ZNF608: variants seen among roughly 807,000 people sequenced by gnomAD.
The protein encoded by ZNF608 is zinc finger protein 608.
In ZNF608, 12 loss-of-function variants were observed where a neutral mutation model predicts 109.0. The observed-to-expected ratio is 0.11, with a 90% confidence interval of 0.07 to 0.18. ZNF608 has a LOEUF of 0.18. ZNF608 is among the 10% of genes least tolerant of loss of function. The pLI, the probability that ZNF608 is intolerant of heterozygous loss-of-function variation, is 1.00. For missense variants in ZNF608, 1,707 were observed against 1,879.3 expected, an observed-to-expected ratio of 0.91 and a Z score of 1.70; for synonymous variants, 732 against 717.4, an observed-to-expected ratio of 1.02 and a Z score of -0.33.
At chr5:124,678,900 T>C (rs891449480) in intron 3 of ZNF608, among the ~76,000 whole-genome samples, 13 of 152,210 alleles carry the variant, frequency 8.5e-5, no homozygotes, top group Non-Finnish European at 1.6e-4. Flanking sequence ...TCTCCAGGTC[T>C]GTCTGCAAAA....
At chr5:124,748,498 T>A (rs1255259551), upstream of ZNF608, 1 of 980,778 alleles carries the variant, frequency 1.0e-6, no homozygotes, top group Non-Finnish European at 1.2e-6. Flanking sequence ...CCCCGCTAAG[T>A]GCTATATAGA....
In ZNF608 at chr5:124,744,247, C is replaced by A; in HGVS notation, c.743G>T (p.Ser248Ile). Residue 248 changes from serine (S) to isoleucine (I), a missense_variant, in exon 2 of 10, where the codon AGC becomes ATC. Ser to Ile is a moderately radical substitution (Grantham distance 142). Transcript: ENST00000513986. This position sits in a 1 kb window ranked among gnomAD's most constrained non-coding sequence, Gnocchi z 4.5. ...FGAKSNGGGA[S>I]PFHCGGTGSG... ...CCCAGTGCCCCCGCAGTGGAAGGGG[C>A]TCGCGCCACCTCCATTGCTCTTGGC... 6.2e-7 allele frequency: 1 copy of A among 1,613,452 alleles called. No homozygotes were observed.
intron 3 of ZNF608, among the ~76,000 whole-genome samples, chr5:124,671,639 CTCT>C (rs1751726586): frequency 7.5e-6 from 1 of 133,832 alleles, no homozygotes; most frequent in Admixed American, 7.3e-5. Context: ...CCTGGGGCTT[CTCT>C]TTTTTTTTTT....
At chr5:124,693,751 A>C (rs529864913) in intron 3 of ZNF608, among the ~76,000 whole-genome samples, 1 of 152,284 alleles carries the variant, frequency 6.6e-6, no homozygotes, top group East Asian at 1.9e-4. Flanking sequence ...ATCACTCATC[A>C]TATCCAAATT....
chr5:124,684,355 A>T (rs982419344), intron 3 of ZNF608, among the ~76,000 whole-genome samples: 2 of 152,180 alleles, frequency 1.3e-5, no homozygotes, highest in African/African-American at 4.8e-5. Flanking sequence ...TGTACACATG[A>T]GGAAAGTGAA....
chr5:124,705,541 T>A (rs2149856911), intron 2 of ZNF608, among the ~76,000 whole-genome samples: 1 of 152,282 alleles, frequency 6.6e-6, no homozygotes, highest in Admixed American at 6.5e-5. Context: ...GATATTATAG[T>A]TCCCTAACCC....
At chr5:124,702,405 T>C (rs1753087481) in intron 2 of ZNF608, among the ~76,000 whole-genome samples, 1 of 151,574 alleles carries the variant, frequency 6.6e-6, no homozygotes, top group Non-Finnish European at 1.5e-5. Flanking sequence ...AAGATCATTC[T>C]GGTAAAATAT....
intron 2 of ZNF608, among the ~76,000 whole-genome samples, chr5:124,741,666 T>C (rs1299135350): frequency 1.3e-5 from 2 of 152,198 alleles, no homozygotes; most frequent in South Asian, 2.1e-4. Context: ...TATTCTCACA[T>C]CAGTAGGAAG....
chr5:124,715,784 A>G (rs1413165326), intron 2 of ZNF608, among the ~76,000 whole-genome samples: 2 of 152,194 alleles, frequency 1.3e-5, no homozygotes, highest in Non-Finnish European at 2.9e-5. Flanking sequence ...ATGCATACAT[A>G]TCTTACGTAA....
chr5:124,699,989 T>C (rs1752988266), intron 3 of ZNF608, among the ~76,000 whole-genome samples: 1 of 152,080 alleles, frequency 6.6e-6, no homozygotes, highest in Non-Finnish European at 1.5e-5. Context: ...AGACCCTTCT[T>C]GTTACCCTCA....
upstream of ZNF608, among the ~76,000 whole-genome samples, chr5:124,747,974 T>G (rs1406718459): frequency 1.3e-5 from 2 of 152,148 alleles, no homozygotes; most frequent in Non-Finnish European, 2.9e-5. Flanking sequence ...TTTGTGGGTT[T>G]GTTTGGGTTG....
chr5:124,653,599 C>T (rs892014352), intron 3 of ZNF608, among the ~76,000 whole-genome samples: 2 of 152,318 alleles, frequency 1.3e-5, no homozygotes, highest in East Asian at 1.9e-4. Flanking sequence ...CAGTAGGCCC[C>T]TTATGCTATC....
chr5:124,697,937 A>C (rs1752914870), intron 3 of ZNF608, among the ~76,000 whole-genome samples: 1 of 152,226 alleles, frequency 6.6e-6, no homozygotes, highest in Non-Finnish European at 1.5e-5. Flanking sequence ...GTAACAAATT[A>C]GGTTTGTGGA....
chr5:124,730,035 A>T (rs1333011765), intron 2 of ZNF608, among the ~76,000 whole-genome samples: 2 of 152,238 alleles, frequency 1.3e-5, no homozygotes, highest in Non-Finnish European at 2.9e-5. Flanking sequence ...TCCTGAAGCA[A>T]CAACAAATCC....
In ZNF608 at chr5:124,744,352, T is replaced by A. The variant is rs2149908808; in HGVS notation, c.638A>T (p.Asp213Val). The change falls in exon 2 of 10, where the codon GAC (aspartate) becomes GTC (valine). Residue 213 changes from aspartate (D) to valine (V), a missense_variant. Asp to Val is a radical substitution (Grantham distance 152). Transcript: ENST00000513986. The surrounding 1 kb of genome is among the most constrained non-coding windows in gnomAD (Gnocchi z 4.5). ...GTGGCCCTGAAGCAGGTCGTGCTTG[T>A]CCTTCCTGGATTTCCCCGCATCCTT... The part of the protein sequence containing the change: ...RDKDAGKSRK[D>V]KHDLLQGHQN... 1 of 1,614,234 alleles carries A rather than the reference T, an allele frequency of 6.2e-7. No homozygotes were observed. The highest frequency in any genetic ancestry group is 8.5e-7 in the Non-Finnish European group (1 of 1,180,040).
At chr5:124,676,608 G>A (rs956744005) in intron 3 of ZNF608, among the ~76,000 whole-genome samples, 5 of 152,164 alleles carry the variant, frequency 3.3e-5, no homozygotes, top group Admixed American at 2.0e-4. Flanking sequence ...ACTATTTAAA[G>A]TAGATTGGTT....
At position 124,694,142 on chromosome 5, in the gene ZNF608, ATT is replaced by A. The variant is rs11320730; in HGVS notation, c.1162+6870_1162+6871del. 5.9e-3 allele frequency among the ~76,000 whole-genome samples: 379 copies of A among 63,892 alleles called. 1 individual carries two copies. The highest frequency in any genetic ancestry group is 0.019 in the African/African-American group (347 of 18,056). The allele number at this position is 63,892 out of a possible 152,430, so 41.9% of individuals were successfully genotyped here. On this transcript the variant is annotated intron_variant, in intron 3 of 9. Transcript: ENST00000513986. ...AGGCGCCCGCCACCACGCTCGGCTA[ATT>A]TTTTTTTTTTTTTTTTTTTTTTTGT...
chr5:124,677,435 G>A (rs1204237015), intron 3 of ZNF608, among the ~76,000 whole-genome samples: 1 of 152,170 alleles, frequency 6.6e-6, no homozygotes, highest in African/African-American at 2.4e-5. Context: ...GTTTGACATA[G>A]GACACAGCAC....
intron 2 of ZNF608, among the ~76,000 whole-genome samples, chr5:124,730,865 T>C (rs983943313): frequency 3.3e-5 from 5 of 152,138 alleles, no homozygotes; most frequent in African/African-American, 9.7e-5. Flanking sequence ...TGAAATAAAT[T>C]TGTATTTCGG....
Sources: gnomAD v4.1 joint callset for allele counts (sites outside exome capture counted in the v4.1 genomes callset) on GRCh38, gnomAD v4.1.1 for gene constraint, Gnocchi (gnomAD v3.1) non-coding constraint, MANE v1.5 for transcripts, NCBI Gene and HGNC (gene_info 2026-07-23, HGNC 2026-07-21) for gene names.